M1AP: variants seen among roughly 807,000 people sequenced by gnomAD.
M1AP encodes meiosis 1 associated protein.
In M1AP, 39 loss-of-function variants were observed where a neutral mutation model predicts 51.2. The observed-to-expected ratio is 0.76, with a 90% CI of 0.59 to 1.00. The LOEUF (loss-of-function observed/expected upper bound fraction) is 1.00, where lower values mean the gene tolerates loss of function less well. Ranked by LOEUF, M1AP falls within the 50% of genes least tolerant of loss-of-function variation. The pLI, the probability that M1AP is intolerant of heterozygous loss-of-function variation, is 0.00. For missense variants in M1AP, 545 were observed against 641.2 expected (o/e 0.85, Z 1.62); for synonymous variants, 251 against 249.2 (o/e 1.01, Z -0.07).
intron 1 of M1AP, among the ~76,000 whole-genome samples, chr2:74,644,579 A>C (rs1683488422): frequency 6.6e-6 from 1 of 152,048 alleles, no homozygotes; most frequent in Non-Finnish European, 1.5e-5. Context: ...TATTTCCCCA[A>C]ATGAATCAGT....
In M1AP at chr2:74,561,442, A is replaced by AGTTG. The variant is rs894232242; in HGVS notation, c.1281+774_1281+775insCAAC. On this transcript the variant is annotated intron_variant, in intron 8 of 10. Coordinates refer to ENST00000421985, the MANE Select transcript of M1AP (RefSeq NM_001321739.2). ...ACATATGCACACGTGCAATGCAGAC[A>AGTTG]GACCCCTAAGAACACACCAGCACAC... 1.3e-3 allele frequency among the ~76,000 whole-genome samples: 182 copies of AGTTG among 135,242 alleles called. 2 individuals are homozygous for AGTTG. Among genetic ancestry groups the AGTTG allele is most frequent in the African/African-American group, 6.6e-3 (176 of 26,844 alleles). 88.7% of individuals were successfully genotyped at this position (135,242 alleles called of 152,430 possible).
Position 74,581,606 on chromosome 2 carries a change from C to T in M1AP, c.769+68G>A, listed in dbSNP as rs575758183. The T allele has an allele frequency of 1.4e-4, 212 of 1,496,234 alleles. 1 individual carries two copies. The South Asian group carries it at 2.5e-3, about 18-fold the overall frequency. 92.7% of individuals were successfully genotyped at this position (1,496,234 alleles called of 1,614,324 possible). A position where few individuals can be genotyped will look rare whatever the true frequency, so the allele number is the denominator to read the frequency against. On this transcript the variant is annotated intron_variant, in intron 5 of 10. Transcript: ENST00000421985. ...ACGATGCTATATTCCACTGACTCAC[C>T]ACCAATCTAGAGTCCTGATCCCAGA...
intron 3 of M1AP, 142 bp downstream of exon 3, chr2:74,614,822 G>A: frequency 1.5e-6 from 1 of 677,806 alleles, no homozygotes; most frequent in Non-Finnish European, 2.5e-6. Context: ...CATGTCCTCT[G>A]CCTGTAGGGA....
At chr2:74,608,056 C>T (rs906834230) in intron 3 of M1AP, among the ~76,000 whole-genome samples, 1 of 152,180 alleles carries the variant, frequency 6.6e-6, no homozygotes, top group African/African-American at 2.4e-5. Flanking sequence ...AAAGTCATTG[C>T]AATTGATGAA....
intron 4 of M1AP, among the ~76,000 whole-genome samples, chr2:74,597,071 T>C (rs1680385435): frequency 6.6e-6 from 1 of 152,214 alleles, no homozygotes; most frequent in African/African-American, 2.4e-5. Context: ...ATTCACTGAA[T>C]TGTATACTTC....
At chr2:74,642,688 A>G (rs1023139818) in intron 1 of M1AP, among the ~76,000 whole-genome samples, 1 of 152,222 alleles carries the variant, frequency 6.6e-6, no homozygotes, top group Admixed American at 6.5e-5. Context: ...GTGTATATAG[A>G]AAATCTAAAA....
intron 2 of M1AP, among the ~76,000 whole-genome samples, chr2:74,627,030 T>C (rs113561141): frequency 6.6e-6 from 1 of 152,338 alleles, no homozygotes; most frequent in African/African-American, 2.4e-5. Flanking sequence ...GCATTACATT[T>C]GTACATTAGG....
chr2:74,610,074 T>C (rs1387819613), intron 3 of M1AP, among the ~76,000 whole-genome samples: 1 of 152,146 alleles, frequency 6.6e-6, no homozygotes, highest in Non-Finnish European at 1.5e-5. Flanking sequence ...CATGGCTCAC[T>C]GCATGCAGCC....
chr2:74,570,419 C>T (rs542728047), intron 7 of M1AP, among the ~76,000 whole-genome samples: 146 of 152,150 alleles, frequency 9.6e-4, no homozygotes, highest in African/African-American at 3.4e-3. Context: ...AGTGGGGAAG[C>T]GATAGAAAAG....
At chr2:74,634,618 C>T (rs1262424630) in intron 2 of M1AP, among the ~76,000 whole-genome samples, 2 of 152,154 alleles carry the variant, frequency 1.3e-5, no homozygotes, top group African/African-American at 4.8e-5. Context: ...TAAGAGCAGA[C>T]ATCTTTGTCT....
chr2:74,645,248 A>G (rs893044684), intron 1 of M1AP, among the ~76,000 whole-genome samples: 1 of 152,178 alleles, frequency 6.6e-6, no homozygotes, highest in East Asian at 1.9e-4. Flanking sequence ...ACCAGAAGGA[A>G]GAAACTCCAG....
At chr2:74,598,259 G>A (rs1448850053) in intron 4 of M1AP, among the ~76,000 whole-genome samples, 1 of 152,138 alleles carries the variant, frequency 6.6e-6, no homozygotes, top group African/African-American at 2.4e-5. Context: ...GTGTGCACCT[G>A]TAATCCCAGC....
intron 2 of M1AP, among the ~76,000 whole-genome samples, chr2:74,622,348 C>A (rs1245801926): frequency 4.6e-5 from 7 of 151,936 alleles, no homozygotes; most frequent in Non-Finnish European, 8.8e-5. Context: ...AAGCGATTAT[C>A]CTGCCTCAGC....
intron 4 of M1AP, among the ~76,000 whole-genome samples, chr2:74,606,529 T>C (rs1191468748): frequency 1.3e-5 from 2 of 151,976 alleles, no homozygotes; most frequent in Non-Finnish European, 2.9e-5. Context: ...AGTAAATTAG[T>C]TGTGTATGTG....
At chr2:74,575,921 TAA>T (rs1192341685) in intron 6 of M1AP, among the ~76,000 whole-genome samples, 1 of 152,192 alleles carries the variant, frequency 6.6e-6, no homozygotes, top group Non-Finnish European at 1.5e-5. Flanking sequence ...GTGGTTCAAT[TAA>T]CTCACTGCAG....
chr2:74,607,900 C>CTAT (rs752623960), intron 3 of M1AP, among the ~76,000 whole-genome samples: 14 of 152,022 alleles, frequency 9.2e-5, no homozygotes, highest in East Asian at 7.7e-4. Context: ...GATTAAAGCA[C>CTAT]TATTATTATT....
Position 74,640,170 on chromosome 2 carries a change from C to G in M1AP, c.106G>C (p.Asp36His), listed in dbSNP as rs758958582. Residue 36 changes from aspartate to histidine, a missense_variant, in exon 2 of 11, where the codon GAC becomes CAC. Coordinates refer to ENST00000421985, the MANE Select transcript of M1AP (RefSeq NM_001321739.2). ...GCCTCACAGAGGTTGGTGCAGATGT[C>G]AGCCCAGGACGGTAGAGCAATGTGC... is the stretch of plus-strand genomic sequence containing the variant. ...IVHIALPSWA[D>H]ICTNLCEALQ... 1.9e-6 allele frequency: 3 copies of G among 1,614,114 alleles called. No homozygotes were observed. Among genetic ancestry groups the G allele is most frequent in the Middle Eastern group, 1.6e-4 (1 of 6,062 alleles).
rs1678085215 is a variant in M1AP at position 74,562,393 on chromosome 2, C to T, written c.1105G>A (p.Glu369Lys). The change falls in exon 8 of 11, where the codon GAA becomes AAA. Residue 369 changes from glutamate (E) to lysine (K), a missense_variant. By Grantham distance (56) the Glu-to-Lys change is moderately conservative. Transcript: ENST00000421985. ...TGGCTGTGTCCTGGGCCCGGTGGTT[C>T]CCCCTTGGCTAACAGCAGCCATTCC... ...KREWLLLAKG[E>K]PPGPGHSQRI... 1 of 1,614,014 alleles carries T rather than the reference C, an allele frequency of 6.2e-7. No homozygotes were observed.
intron 6 of M1AP, among the ~76,000 whole-genome samples, chr2:74,575,826 T>C (rs983105408): frequency 3.3e-5 from 5 of 152,262 alleles, no homozygotes; most frequent in African/African-American, 1.2e-4. Flanking sequence ...GACTCTGCCA[T>C]TATTGCTAAT....
Sources: allele counts gnomAD v4.1 joint callset (sites outside exome capture counted in the v4.1 genomes callset), GRCh38; gene constraint gnomAD v4.1.1; transcripts MANE v1.5; gene names NCBI Gene and HGNC (gene_info 2026-07-23, HGNC 2026-07-21).